Variants in BRINP3 observed in about 807,000 individuals in gnomAD.
BRINP3 encodes the protein BMP/retinoic acid inducible neural specific 3, also known as BMP/retinoic acid-inducible neural-specific protein 3.
Under a neutral mutation model 71.0 loss-of-function variants are expected in BRINP3, and 19 were observed. The ratio of observed to expected loss-of-function variants is 0.27; its 90% CI spans 0.19 to 0.39. The LOEUF (loss-of-function observed/expected upper bound fraction) is 0.39. BRINP3 is among the 10% of genes least tolerant of loss of function. The pLI is 1.00. For missense variants in BRINP3, 959 were observed against 940.8 expected (o/e 1.02, Z -0.25); for synonymous variants, 380 against 337.7 (o/e 1.13, Z -1.37).
At chr1:190,203,384 A>G (rs1032186984) in intron 6 of BRINP3, among the ~76,000 whole-genome samples, 1 of 151,382 alleles carries the variant, frequency 6.6e-6, no homozygotes, top group Non-Finnish European at 1.5e-5. Flanking sequence ...GGCACATTGC[A>G]AAAGTACTTA....
chr1:190,236,952 C>T (rs1284960964), intron 4 of BRINP3, among the ~76,000 whole-genome samples: 2 of 151,798 alleles, frequency 1.3e-5, no homozygotes, highest in African/African-American at 4.8e-5. Context: ...TACTCATTGA[C>T]ATAGTGATCT....
chr1:190,160,447 A>G (rs1263401747), intron 7 of BRINP3, among the ~76,000 whole-genome samples: 1 of 151,560 alleles, frequency 6.6e-6, no homozygotes, highest in Non-Finnish European at 1.5e-5. Context: ...ATAAGAAAAG[A>G]AAAAAAGAAA....
intron 6 of BRINP3, among the ~76,000 whole-genome samples, chr1:190,167,935 G>A (rs946069068): frequency 6.6e-6 from 1 of 152,136 alleles, no homozygotes; most frequent in African/African-American, 2.4e-5. Flanking sequence ...TCCGAGTGCT[G>A]TATTGGCATT....
chr1:190,322,017 T>C (rs543988747), intron 2 of BRINP3, among the ~76,000 whole-genome samples: 1 of 152,148 alleles, frequency 6.6e-6, no homozygotes, highest in South Asian at 2.1e-4. Flanking sequence ...TTCATAAATC[T>C]ATTTTTATAT....
At chr1:190,231,291 A>C (rs1184560714) in intron 5 of BRINP3, among the ~76,000 whole-genome samples, 2 of 151,820 alleles carry the variant, frequency 1.3e-5, no homozygotes, top group Non-Finnish European at 2.9e-5. Context: ...CAGGAACAAA[A>C]ACAGTTTTTT....
chr1:190,341,357 CATG>C (rs1252413403), intron 2 of BRINP3, among the ~76,000 whole-genome samples: 3 of 151,792 alleles, frequency 2.0e-5, no homozygotes, highest in African/African-American at 7.2e-5. Context: ...TTTTATTATA[CATG>C]ATAATATATG....
intron 2 of BRINP3, among the ~76,000 whole-genome samples, chr1:190,437,601 C>G (rs1674549990): frequency 6.6e-6 from 1 of 151,800 alleles, no homozygotes; most frequent in Admixed American, 6.6e-5. Context: ...GTAATACACT[C>G]ACGTGCAGTG....
chr1:190,242,158 C>T (rs1301206957), intron 4 of BRINP3, among the ~76,000 whole-genome samples: 2 of 151,860 alleles, frequency 1.3e-5, no homozygotes, highest in East Asian at 3.8e-4. Flanking sequence ...AAATGTTCGT[C>T]TCAGAATAAA....
chr1:190,425,837 C>T (rs1050318457), intron 2 of BRINP3, among the ~76,000 whole-genome samples: 2 of 151,680 alleles, frequency 1.3e-5, no homozygotes, highest in African/African-American at 4.8e-5. Context: ...AGGTAAATGG[C>T]TTAAACAAAA....
chr1:190,311,945 T>C (rs1665551051), intron 2 of BRINP3, among the ~76,000 whole-genome samples: 1 of 148,402 alleles, frequency 6.7e-6, no homozygotes, highest in Non-Finnish European at 1.5e-5. Context: ...ATTATTAATA[T>C]AAATTCAAAA....
chr1:190,292,536 T>G (rs1663949832), intron 2 of BRINP3, among the ~76,000 whole-genome samples: 1 of 152,024 alleles, frequency 6.6e-6, no homozygotes, highest in South Asian at 2.1e-4. Context: ...TAGTCCTATC[T>G]ACTCAAGAGG....
chr1:190,355,343 A>C (rs575628497), intron 2 of BRINP3, among the ~76,000 whole-genome samples: 1 of 151,994 alleles, frequency 6.6e-6, no homozygotes, highest in Admixed American at 6.6e-5. Flanking sequence ...CAAACTTGAC[A>C]TGTCATGGAA....
At chr1:190,249,470 A>C in intron 4 of BRINP3, among the ~76,000 whole-genome samples, 1 of 152,046 alleles carries the variant, frequency 6.6e-6, no homozygotes, top group Non-Finnish European at 1.5e-5. Flanking sequence ...TAATCTTATT[A>C]AAACAAAAAA....
Position 190,323,098 on chromosome 1 carries a change from C to G in BRINP3, c.237-41348G>C, listed in dbSNP as rs550504258. ...TAAAATATAAATTAGTTATGGGTGT[C>G]TGGGTTCTCTACCAATTGAAGTATA... On this transcript the variant is annotated intron_variant, in intron 2 of 7. Coordinates refer to ENST00000367462, the MANE Select transcript of BRINP3 (RefSeq NM_199051.3). Among the ~76,000 whole-genome samples the G allele has an allele frequency of 3.6e-4, 55 of 152,068 alleles. No individual in the cohort carries two copies. In the Middle Eastern group the frequency reaches 0.017, roughly 47 times the overall value.
chr1:190,386,203 A>T (rs1200608512), intron 2 of BRINP3, among the ~76,000 whole-genome samples: 1 of 150,516 alleles, frequency 6.6e-6, no homozygotes, highest in Admixed American at 6.6e-5. Flanking sequence ...CACAATGTGC[A>T]CATGTACCCT....
In BRINP3 at chr1:190,097,825, C is replaced by A; in HGVS notation, c.*193G>T. On this transcript the variant is annotated 3_prime_UTR_variant, in exon 8 of 8. Transcript: ENST00000367462. ...GACTGGTGTCAGTATTTATGTCATT[C>A]ATAAACCAAAACTGCTGTATAATAT... 1.7e-6 allele frequency: 1 copy of A among 580,548 alleles called. No homozygotes were observed. 36.0% of individuals were successfully genotyped at this position (580,548 alleles called of 1,614,324 possible).
At chr1:190,230,601 A>G (rs1334197987) in intron 5 of BRINP3, among the ~76,000 whole-genome samples, 2 of 151,914 alleles carry the variant, frequency 1.3e-5, no homozygotes, top group Non-Finnish European at 2.9e-5. Context: ...TAACTAATAC[A>G]TCTTTTAAAA....
At chr1:190,467,934 T>G (rs947258908) in intron 1 of BRINP3, among the ~76,000 whole-genome samples, 2 of 151,480 alleles carry the variant, frequency 1.3e-5, no homozygotes, top group African/African-American at 4.8e-5. Flanking sequence ...ATATCTGACA[T>G]AGAGAGACTA....
intron 7 of BRINP3, among the ~76,000 whole-genome samples, chr1:190,138,563 C>T (rs1655166534): frequency 6.6e-6 from 1 of 152,056 alleles, no homozygotes; most frequent in African/African-American, 2.4e-5. Flanking sequence ...GTGCTTTGCC[C>T]TCTGTGTTGA....
Sources: allele counts gnomAD v4.1 joint callset (sites outside exome capture counted in the v4.1 genomes callset), GRCh38; gene constraint gnomAD v4.1.1; transcripts MANE v1.5; gene names NCBI Gene and HGNC (gene_info 2026-07-23, HGNC 2026-07-21).